The following CPSF2 variants were observed in gnomAD, a reference collection of about 807,000 sequenced individuals.
The protein encoded by CPSF2 is cleavage and polyadenylation specific factor 2.
CPSF2 carries 51 observed loss-of-function variants against 84.2 expected under a neutral mutation model. The ratio of observed to expected loss-of-function variants is 0.61; its 90% CI spans 0.48 to 0.77. CPSF2 has a LOEUF of 0.77. Ranked by LOEUF, CPSF2 falls within the 30% of genes least tolerant of loss-of-function variation. CPSF2 has a pLI of 0.00. For synonymous variants in CPSF2, 286 were observed against 311.9 expected (o/e 0.92, Z 0.87); for missense variants, 641 against 929.4 (o/e 0.69, Z 4.03).
At chr14:92,123,747 A>G (rs1445230174) in intron 1 of CPSF2, among the ~76,000 whole-genome samples, 1 of 152,216 alleles carries the variant, frequency 6.6e-6, no homozygotes, top group Non-Finnish European at 1.5e-5. Flanking sequence ...GATATTTGCG[A>G]TGAAGTAGTA....
At chr14:92,156,363 T>C (rs1484529883) in intron 11 of CPSF2, 116 bp from the exon 12 acceptor site, 3 of 722,116 alleles carry the variant, frequency 4.2e-6, no homozygotes, top group Non-Finnish European at 6.6e-6. Flanking sequence ...GGATGAAATG[T>C]ATATTTAAAT....
At chr14:92,145,095 G>T (rs1479743735) in intron 9 of CPSF2, among the ~76,000 whole-genome samples, 1 of 152,148 alleles carries the variant, frequency 6.6e-6, no homozygotes, top group African/African-American at 2.4e-5. Flanking sequence ...AAAGTTTGTA[G>T]CAATTGATAT....
Position 92,134,180 on chromosome 14 carries a change from G to A in CPSF2, c.309+10G>A, listed in dbSNP as rs776725548. 2 of 1,613,272 alleles carry A rather than the reference G, an allele frequency of 1.2e-6. No homozygotes were observed. The highest frequency in any genetic ancestry group is 1.1e-5 in the South Asian group (1 of 90,980). ...GTATGATCTTTATCAGGTAATTTAA[G>A]CAATTAAAAAAATTTTGTTAGCACT... On this transcript the variant is annotated intron_variant, in intron 4 of 15. Coordinates refer to ENST00000298875, the MANE Select transcript of CPSF2 (RefSeq NM_017437.3).
intron 6 of CPSF2, among the ~76,000 whole-genome samples, chr14:92,135,973 T>C (rs1326081252): frequency 6.6e-6 from 1 of 152,220 alleles, no homozygotes; most frequent in Non-Finnish European, 1.5e-5. Flanking sequence ...GCTGTTCTTG[T>C]GATAGTGAAT....
intron 6 of CPSF2, among the ~76,000 whole-genome samples, chr14:92,137,975 A>G (rs901477429): frequency 2.0e-5 from 3 of 152,210 alleles, no homozygotes; most frequent in Non-Finnish European, 2.9e-5. Context: ...ATGTGCATAG[A>G]AAAACTTATA....
chr14:92,126,826 TATTTTAA>T (rs2068851356), intron 2 of CPSF2, among the ~76,000 whole-genome samples: 1 of 152,132 alleles, frequency 6.6e-6, no homozygotes, highest in African/African-American at 2.4e-5. Flanking sequence ...CAAGTCAATA[TATTTTAA>T]ATTTTAACTT....
At chr14:92,131,805 C>T (rs2068934840) in intron 3 of CPSF2, among the ~76,000 whole-genome samples, 1 of 151,896 alleles carries the variant, frequency 6.6e-6, no homozygotes, top group East Asian at 1.9e-4. Flanking sequence ...TACCACTACA[C>T]TCCAGCCTGG....
chr14:92,153,816 C>G (rs2069252243), intron 9 of CPSF2, among the ~76,000 whole-genome samples: 2 of 148,344 alleles, frequency 1.3e-5, no homozygotes, highest in Admixed American at 6.7e-5. Context: ...TGATCTTCCA[C>G]TTTAACCACC....
chr14:92,142,990 T>TC lies in CPSF2; in HGVS notation c.850-8dup, dbSNP rs758417709. On this transcript the variant is annotated splice_polypyrimidine_tract_variant and intron_variant, in intron 8 of 15. Transcript: ENST00000298875. ...TAGTATTTCTAATTCTTGTCATCTTTCCCCCCATGTTAGGTAGAATGGATG... is the reference window on the plus strand; with the variant it reads ...TAGTATTTCTAATTCTTGTCATCTTTCCCCCCCATGTTAGGTAGAATGGATG... 1.3e-6 allele frequency: 2 copies of TC among 1,576,972 alleles called. No homozygotes were observed. The highest frequency in any genetic ancestry group is 1.7e-6 in the Non-Finnish European group (2 of 1,156,984).
Position 92,171,204 on chromosome 14 carries a change from GCAGCCT to G in CPSF2, c.*9463_*9468del, listed in dbSNP as rs988301318. On this transcript the variant is annotated 3_prime_UTR_variant, in exon 16 of 16. Coordinates refer to ENST00000298875, the MANE Select transcript of CPSF2 (RefSeq NM_017437.3). Reference sequence around the variant, plus strand: ...TGCAGTGATGAGATCATAGCCCACTGCAGCCTCAAACTCCTGGGCTCATGCCATTTT... The same window carrying G: ...TGCAGTGATGAGATCATAGCCCACTGCAAACTCCTGGGCTCATGCCATTTT... 4 of 152,106 alleles carry G rather than the reference GCAGCCT, an allele frequency of 2.6e-5. No homozygotes were observed. Among genetic ancestry groups the G allele is most frequent in the African/African-American group, 9.7e-5 (4 of 41,404 alleles). The allele number at this position is 152,106 out of a possible 1,614,324, so 9.4% of individuals were successfully genotyped here.
chr14:92,159,847 AT>A (rs879469922), intron 14 of CPSF2, among the ~76,000 whole-genome samples: 2,185 of 143,456 alleles, frequency 0.015, 20 homozygotes, highest in Middle Eastern at 0.025. Context: ...TTGTTTCATG[AT>A]TTTTTTTTTT....
At chr14:92,123,526 G>C (rs1371988903) in intron 1 of CPSF2, among the ~76,000 whole-genome samples, 1 of 152,182 alleles carries the variant, frequency 6.6e-6, no homozygotes, top group Non-Finnish European at 1.5e-5. Context: ...AGCCTCCCAA[G>C]TAGCTGGGGT....
Position 92,164,935 on chromosome 14 carries a change from C to T in CPSF2, c.*3191C>T, listed in dbSNP as rs2069423855. The T allele has an allele frequency of 6.6e-6, 1 of 152,178 alleles. No homozygotes were observed. Among genetic ancestry groups the T allele is most frequent in the Non-Finnish European group, 1.5e-5 (1 of 68,028 alleles). 9.4% of individuals were successfully genotyped at this position (152,178 alleles called of 1,614,324 possible). ...TACCCACTACCAGTCACTCCTCATG[C>T]CCCCTTCCTATGACCCCTGGCAGCC... On this transcript the variant is annotated 3_prime_UTR_variant, in exon 16 of 16. Coordinates refer to ENST00000298875, the MANE Select transcript of CPSF2 (RefSeq NM_017437.3).
intron 7 of CPSF2, among the ~76,000 whole-genome samples, chr14:92,139,539 C>CTTT (rs751552254): frequency 2.2e-5 from 3 of 136,640 alleles, no homozygotes; most frequent in Non-Finnish European, 3.1e-5. Flanking sequence ...ATCTTACATT[C>CTTT]TTTTTTTTTT....
At chr14:92,151,647 A>G (rs980504469) in intron 9 of CPSF2, among the ~76,000 whole-genome samples, 1 of 152,184 alleles carries the variant, frequency 6.6e-6, no homozygotes, top group African/African-American at 2.4e-5. Context: ...ACTTTAACCA[A>G]AACAACATAT....
At chr14:92,142,661 A>AT (rs751749889) in intron 8 of CPSF2, among the ~76,000 whole-genome samples, 2 of 152,200 alleles carry the variant, frequency 1.3e-5, no homozygotes, top group African/African-American at 2.4e-5. Flanking sequence ...TAGCATTGGC[A>AT]TGTTAGAATT....
Position 92,138,360 on chromosome 14 carries a change from T to C in CPSF2, c.661+13T>C, listed in dbSNP as rs1189247854. On this transcript the variant is annotated intron_variant, in intron 7 of 15. Coordinates refer to ENST00000298875, the MANE Select transcript of CPSF2 (RefSeq NM_017437.3). ...GAGCAGCTTCTGAGTACGTATTCTTTCACGTCCTTATTATTATTATTATTT... is the reference window on the plus strand; with the variant it reads ...GAGCAGCTTCTGAGTACGTATTCTTCCACGTCCTTATTATTATTATTATTT... 1.6e-6 allele frequency: 2 copies of C among 1,264,836 alleles called. No homozygotes were observed. Among genetic ancestry groups the C allele is most frequent in the Admixed American group, 4.4e-5 (2 of 45,536 alleles). 78.4% of individuals were successfully genotyped at this position (1,264,836 alleles called of 1,614,324 possible). A position where few individuals can be genotyped will look rare whatever the true frequency, so the allele number is the denominator to read the frequency against.
chr14:92,139,251 A>G (rs2069041555), intron 7 of CPSF2, among the ~76,000 whole-genome samples: 2 of 151,954 alleles, frequency 1.3e-5, no homozygotes, highest in African/African-American at 4.8e-5. Flanking sequence ...CCCCGTCTCT[A>G]CTAAATATAC....
chr14:92,143,681 G>A (rs904678940), intron 9 of CPSF2, among the ~76,000 whole-genome samples: 2 of 152,108 alleles, frequency 1.3e-5, no homozygotes, highest in African/African-American at 4.8e-5. Context: ...TCATAGTTCC[G>A]TGCAGCCTCA....
Sources: gnomAD v4.1 joint callset for allele counts (sites outside exome capture counted in the v4.1 genomes callset) on GRCh38, gnomAD v4.1.1 for gene constraint, MANE v1.5 for transcripts, NCBI Gene and HGNC (gene_info 2026-07-23, HGNC 2026-07-21) for gene names.